Variants in USP34 observed in about 807,000 individuals in gnomAD.
USP34 encodes the protein ubiquitin carboxyl-terminal hydrolase 34.
A neutral mutation model predicts 460.3 loss-of-function variants in USP34; 70 were observed. The observed-to-expected ratio is 0.15, with a 90% confidence interval of 0.13 to 0.19. USP34 has a LOEUF of 0.19. Among genes scored for constraint, USP34 ranks in the 10% least tolerant of loss-of-function variants. The pLI, the probability that USP34 is intolerant of heterozygous loss-of-function variation, is 1.00. For synonymous variants in USP34, 1,647 were observed against 1,405.3 expected, an observed-to-expected ratio of 1.17 and a Z score of -3.85; for missense variants, 3,985 against 4,236.2, an observed-to-expected ratio of 0.94 and a Z score of 1.65.
Position 61,215,325 on chromosome 2 carries a change from T to C in USP34, c.8048-631A>G, listed in dbSNP as rs146394383. Among the ~76,000 whole-genome samples, 776 of 152,274 alleles carry C rather than the reference T, an allele frequency of 5.1e-3. 7 individuals are homozygous for C. The highest frequency in any genetic ancestry group is 0.017 in the African/African-American group (708 of 41,550). Reference sequence around the variant, plus strand: ...GGTGTTAAATTGTAACCAGATAATATATATTTAAGTTATAAAGAAAGAATG... The same window carrying C: ...GGTGTTAAATTGTAACCAGATAATACATATTTAAGTTATAAAGAAAGAATG... On this transcript the variant is annotated intron_variant, in intron 67 of 79. Transcript: ENST00000398571.
chr2:61,431,018 T>C (rs963290279), intron 1 of USP34, among the ~76,000 whole-genome samples: 4 of 149,792 alleles, frequency 2.7e-5, no homozygotes, highest in Admixed American at 1.3e-4. Flanking sequence ...AAAAGAAAAA[T>C]AGAAAAGAAA....
At chr2:61,380,641 C>T (rs921352613) in intron 6 of USP34, among the ~76,000 whole-genome samples, 11 of 152,188 alleles carry the variant, frequency 7.2e-5, no homozygotes, top group African/African-American at 2.2e-4. Context: ...TGTGACTTTG[C>T]TATTCCTCTC....
intron 15 of USP34, among the ~76,000 whole-genome samples, chr2:61,347,335 G>C (rs1168727998): frequency 6.6e-6 from 1 of 151,926 alleles, no homozygotes; most frequent in African/African-American, 2.4e-5. Context: ...GGATATTATT[G>C]GTTTAACATG....
intron 7 of USP34, among the ~76,000 whole-genome samples, chr2:61,379,123 T>G (rs988950767): frequency 7.2e-5 from 11 of 152,172 alleles, no homozygotes; most frequent in African/African-American, 2.4e-4. Flanking sequence ...TCTGGGACAA[T>G]ATCAACAAGT....
intron 67 of USP34, 69 bp downstream of exon 67, chr2:61,220,240 TA>T: frequency 1.5e-6 from 2 of 1,350,818 alleles, no homozygotes; most frequent in Non-Finnish European, 1.9e-6. Context: ...CGTAGTTGCC[TA>T]AAAACAAAAT....
intron 39 of USP34, among the ~76,000 whole-genome samples, chr2:61,279,451 G>T (rs1055703837): frequency 2.6e-5 from 4 of 152,098 alleles, no homozygotes; most frequent in African/African-American, 9.7e-5. Flanking sequence ...TCTTTAAGTG[G>T]CAAGATTTGC....
In USP34 at chr2:61,272,863, G is replaced by A. The variant is rs1689257175; in HGVS notation, c.5433+5302C>T. On this transcript the variant is annotated intron_variant, in intron 41 of 79. Transcript: ENST00000398571. Reference sequence around the variant, plus strand: ...AAGAGTTAAACTTGTAAAACAGGAAGTAATAGAATTACTTGCAGATGATTG... The same window carrying A: ...AAGAGTTAAACTTGTAAAACAGGAAATAATAGAATTACTTGCAGATGATTG... Among the ~76,000 whole-genome samples the A allele has an allele frequency of 2.0e-5, 3 of 152,184 alleles. No homozygotes were observed. In the South Asian group the frequency reaches 6.2e-4, roughly 31 times the overall value.
intron 1 of USP34, among the ~76,000 whole-genome samples, chr2:61,454,108 A>C (rs1285675980): frequency 1.3e-5 from 2 of 152,182 alleles, no homozygotes; most frequent in African/African-American, 4.8e-5. Context: ...ACAGATTTCT[A>C]CAGTGATTAA....
chr2:61,284,310 T>C (rs1189903426), intron 35 of USP34, among the ~76,000 whole-genome samples: 1 of 152,124 alleles, frequency 6.6e-6, no homozygotes, highest in Non-Finnish European at 1.5e-5. Flanking sequence ...AGGCTAATCA[T>C]GAAAACTCAA....
chr2:61,448,629 G>T (rs1573053181), intron 1 of USP34, among the ~76,000 whole-genome samples: 1 of 152,024 alleles, frequency 6.6e-6, no homozygotes, highest in Admixed American at 6.6e-5. Context: ...AAAGAATAAA[G>T]AAACTGTTTC....
At chr2:61,259,094 A>G (rs1326949998) in intron 44 of USP34, among the ~76,000 whole-genome samples, 1 of 152,030 alleles carries the variant, frequency 6.6e-6, no homozygotes, top group East Asian at 1.9e-4. Context: ...AGCTGTCTCT[A>G]CTAAAAATAC....
At chr2:61,312,010 G>C in intron 25 of USP34, 100 bp from the exon 26 acceptor site, 3 of 1,415,154 alleles carry the variant, frequency 2.1e-6, no homozygotes, top group Non-Finnish European at 1.9e-6. Flanking sequence ...AAGTCCAAAA[G>C]AAGTTCTAAG....
At chr2:61,336,151 T>C (rs1691409621) in intron 18 of USP34, among the ~76,000 whole-genome samples, 1 of 151,840 alleles carries the variant, frequency 6.6e-6, no homozygotes, top group African/African-American at 2.4e-5. Flanking sequence ...GCACAATTTT[T>C]TTTTTTTTTT....
chr2:61,463,499 A>G (rs1393090350), intron 1 of USP34, among the ~76,000 whole-genome samples: 1 of 152,174 alleles, frequency 6.6e-6, no homozygotes, highest in African/African-American at 2.4e-5. Flanking sequence ...AACAGTGGTG[A>G]TTCAGATAGA....
chr2:61,314,677 A>G lies in USP34; in HGVS notation c.3450T>C (p.Ser1150=), dbSNP rs745691112. Residue 1150 remains serine (S), a synonymous_variant, in exon 25 of 80, where the codon TCT becomes TCC. Transcript: ENST00000398571. ...AGTGTGATTCCTGTTCAAGACTGCT[A>G]GAAGCTATCATAAGACTCTCCATGC... The part of the protein sequence containing the change: ...SKCMESLMIA[S]SSLEQESHSS... The G allele has an allele frequency of 7.5e-6, 12 of 1,603,096 alleles. No individual in the cohort carries two copies. The South Asian group carries it at 1.0e-4, about 14-fold the overall frequency.
In USP34 at chr2:61,231,827, A is replaced by G. The variant is rs538999931; in HGVS notation, c.7113+625T>C. On this transcript the variant is annotated intron_variant, in intron 58 of 79. Transcript: ENST00000398571. Reference sequence around the variant, plus strand: ...AAACCCTCTAAAAAAATATATATACATATATATGTATGTTCTATATAAATT... The same window carrying G: ...AAACCCTCTAAAAAAATATATATACGTATATATGTATGTTCTATATAAATT... Among the ~76,000 whole-genome samples, 17 of 149,846 alleles carry G rather than the reference A, an allele frequency of 1.1e-4. No homozygotes were observed. The East Asian group carries it at 2.9e-3, about 26-fold the overall frequency.
intron 1 of USP34, among the ~76,000 whole-genome samples, chr2:61,455,947 C>T (rs1243403064): frequency 6.6e-6 from 1 of 152,140 alleles, no homozygotes; most frequent in Non-Finnish European, 1.5e-5. Context: ...AAGATTTGAA[C>T]TCAGGTCTAC....
chr2:61,345,118 C>T (rs1207927252), intron 15 of USP34, among the ~76,000 whole-genome samples: 2 of 151,874 alleles, frequency 1.3e-5, no homozygotes, highest in Non-Finnish European at 2.9e-5. Flanking sequence ...ACTAAAAATA[C>T]AAAAATTAGC....
At chr2:61,205,678 A>ACT (rs1687099227) in intron 72 of USP34, among the ~76,000 whole-genome samples, 1 of 152,184 alleles carries the variant, frequency 6.6e-6, no homozygotes, top group Admixed American at 6.6e-5. Flanking sequence ...TGAAATAAGT[A>ACT]CTCTTATCCT....
Sources: allele counts gnomAD v4.1 joint callset (sites outside exome capture counted in the v4.1 genomes callset), GRCh38; gene constraint gnomAD v4.1.1; transcripts MANE v1.5; gene names NCBI Gene and HGNC (gene_info 2026-07-23, HGNC 2026-07-21).